Variants in RBM20 observed in about 807,000 individuals in gnomAD.
RBM20 encodes the protein RNA-binding protein 20.
In RBM20, 51 loss-of-function variants were observed where a neutral mutation model predicts 110.1. The observed-to-expected ratio is 0.46, with a 90% CI of 0.37 to 0.59. The LOEUF (loss-of-function observed/expected upper bound fraction) is 0.59. RBM20 is among the 20% of genes least tolerant of loss of function. The pLI is 0.00. For missense variants in RBM20, 1,512 were observed against 1,574.9 expected (o/e 0.96, Z 0.68); for synonymous variants, 589 against 618.2 (o/e 0.95, Z 0.70).
At chr10:110,655,986 C>A (rs1862021400) in intron 1 of RBM20, among the ~76,000 whole-genome samples, 1 of 151,684 alleles carries the variant, frequency 6.6e-6, no homozygotes, top group Non-Finnish European at 1.5e-5. Flanking sequence ...TCCATTAAAC[C>A]ATTAAACAAT....
intron 1 of RBM20, among the ~76,000 whole-genome samples, chr10:110,742,913 G>A (rs546831093): frequency 2.0e-5 from 3 of 152,304 alleles, no homozygotes; most frequent in South Asian, 4.1e-4. Context: ...AACTCTCACT[G>A]TGAAAGATCT....
chr10:110,820,380 C>T (rs1844892961), intron 10 of RBM20, among the ~76,000 whole-genome samples: 12 of 152,168 alleles, frequency 7.9e-5, no homozygotes. Context: ...CGATCTTTAC[C>T]CACATGTCTG....
intron 1 of RBM20, among the ~76,000 whole-genome samples, chr10:110,779,935 C>A (rs764605181): frequency 3.9e-5 from 6 of 152,150 alleles, no homozygotes; most frequent in Non-Finnish European, 7.4e-5. Context: ...GTTAAGCCTG[C>A]CTTTTTCACT....
intron 1 of RBM20, among the ~76,000 whole-genome samples, chr10:110,697,207 G>A (rs1197764552): frequency 1.3e-5 from 2 of 152,098 alleles, no homozygotes; most frequent in African/African-American, 4.8e-5. Context: ...CACTGGGCTC[G>A]TGAACCTCAG....
chr10:110,681,260 T>C (rs1564814127), intron 1 of RBM20, among the ~76,000 whole-genome samples: 1 of 152,240 alleles, frequency 6.6e-6, no homozygotes, highest in Admixed American at 6.5e-5. Flanking sequence ...CAATAGGGTC[T>C]GCACCAAACC....
chr10:110,665,337 TG>T (rs1376033686), intron 1 of RBM20, among the ~76,000 whole-genome samples: 1 of 152,226 alleles, frequency 6.6e-6, no homozygotes, highest in Non-Finnish European at 1.5e-5. Flanking sequence ...GGGATCAGGC[TG>T]ATAATATTCA....
At chr10:110,643,512 C>T (rs1298856372), upstream of RBM20, among the ~76,000 whole-genome samples, 2 of 152,084 alleles carry the variant, frequency 1.3e-5, no homozygotes, top group Non-Finnish European at 2.9e-5. Flanking sequence ...TGACGGTGAC[C>T]GTACGTTGTC....
chr10:110,784,340 G>C lies in RBM20; in HGVS notation c.1338-1G>C. ...CGGTTTCCCTTTCTCGCCCTCTCCA[G>C]TGCTGGCATCCGGTGTATACTTGGT... On this transcript the variant is annotated splice_acceptor_variant, in intron 3 of 13. Transcript: ENST00000369519. LOFTEE classifies it high-confidence loss of function. 1.3e-6 allele frequency: 2 copies of C among 1,550,148 alleles called. No individual in the cohort carries two copies. Among genetic ancestry groups the C allele is most frequent in the Non-Finnish European group, 1.7e-6 (2 of 1,146,078 alleles).
chr10:110,683,229 G>A (rs4917580), intron 1 of RBM20, among the ~76,000 whole-genome samples: 103,049 of 152,066 alleles, frequency 0.68, 37,206 homozygotes, highest in Non-Finnish European at 0.8. Context: ...GTGGGCAGCC[G>A]GTGCCCTAAG....
At chr10:110,705,132 A>G (rs939523616) in intron 1 of RBM20, among the ~76,000 whole-genome samples, 1 of 152,224 alleles carries the variant, frequency 6.6e-6, no homozygotes, top group Non-Finnish European at 1.5e-5. Flanking sequence ...GGCCTCCAGC[A>G]CGATGCTGGT....
chr10:110,708,847 G>A (rs551902333), intron 1 of RBM20, among the ~76,000 whole-genome samples: 1 of 152,318 alleles, frequency 6.6e-6, no homozygotes, highest in South Asian at 2.1e-4. Context: ...AAAATTTAGT[G>A]AAGTTCAAGA....
chr10:110,664,368 C>A (rs1401518061), intron 1 of RBM20, among the ~76,000 whole-genome samples: 4 of 152,178 alleles, frequency 2.6e-5, no homozygotes, highest in Non-Finnish European at 5.9e-5. Flanking sequence ...AAATATTGAA[C>A]AATTTGGGCA....
chr10:110,800,004 G>A, intron 7 of RBM20, 86 bp downstream of exon 7: 1 of 1,236,698 alleles, frequency 8.1e-7, no homozygotes, highest in Admixed American at 2.1e-5. Flanking sequence ...AAACGCTGGT[G>A]GAAAGGAGAG....
At chr10:110,762,162 A>G (rs774336722) in intron 1 of RBM20, among the ~76,000 whole-genome samples, 2 of 152,260 alleles carry the variant, frequency 1.3e-5, no homozygotes, top group Non-Finnish European at 2.9e-5. Context: ...TGAGGTACTC[A>G]GTCATTTGGA....
At chr10:110,659,324 G>A (rs1049021014) in intron 1 of RBM20, among the ~76,000 whole-genome samples, 3 of 152,240 alleles carry the variant, frequency 2.0e-5, no homozygotes, top group Admixed American at 6.5e-5. Flanking sequence ...CCACTCTCAA[G>A]CCACTGTGTG....
intron 1 of RBM20, among the ~76,000 whole-genome samples, chr10:110,736,962 G>A (rs1258906220): frequency 6.6e-6 from 1 of 151,634 alleles, no homozygotes; most frequent in Non-Finnish European, 1.5e-5. Context: ...ATCTCCTGAG[G>A]TCAGGAGTTC....
intron 1 of RBM20, among the ~76,000 whole-genome samples, chr10:110,647,534 C>T (rs1278662421): frequency 1.3e-5 from 2 of 151,934 alleles, no homozygotes; most frequent in South Asian, 2.1e-4. Context: ...ATATAAAACA[C>T]GATTTAGGCT....
intron 1 of RBM20, among the ~76,000 whole-genome samples, chr10:110,715,122 C>T (rs1402099054): frequency 1.3e-5 from 2 of 152,106 alleles, no homozygotes; most frequent in Non-Finnish European, 2.9e-5. Context: ...ATGGCAGACT[C>T]CTGTAATCCC....
At chr10:110,777,367 A>G (rs1460877471) in intron 1 of RBM20, among the ~76,000 whole-genome samples, 1 of 152,210 alleles carries the variant, frequency 6.6e-6, no homozygotes, top group African/African-American at 2.4e-5. Flanking sequence ...TACTATATGC[A>G]CCTCAATTTC....
Sources: allele counts gnomAD v4.1 joint callset (sites outside exome capture counted in the v4.1 genomes callset), GRCh38; gene constraint gnomAD v4.1.1; transcripts MANE v1.5; gene names NCBI Gene and HGNC (gene_info 2026-07-23, HGNC 2026-07-21).